The following CLNK variants were observed in gnomAD, a reference collection of about 807,000 sequenced individuals.
CLNK encodes cytokine dependent hematopoietic cell linker.
Under a neutral mutation model 68.6 loss-of-function variants are expected in CLNK, and 74 were observed. The observed-to-expected ratio is 1.08, with a 90% CI of 0.89 to 1.31. The LOEUF is 1.31. Ranked by LOEUF, CLNK falls within the 50% of genes most tolerant of loss-of-function variation. The probability of loss-of-function intolerance (pLI) is 0.00; values close to 1 mark genes in which losing one functional copy is unlikely to be tolerated. For missense variants in CLNK, 553 were observed against 515.3 expected (o/e 1.07, Z -0.71); for synonymous variants, 198 against 172.2 (o/e 1.15, Z -1.17).
rs187661406 is a variant in CLNK, at chr4:10,580,531, A to T, written c.112+4396T>A. On this transcript the variant is annotated intron_variant, in intron 4 of 18. Coordinates refer to ENST00000226951, the MANE Select transcript of CLNK (RefSeq NM_052964.4). ...GCCCCTGAAGACCTTCTAGTAGGAC[A>T]AGATGTGGAGGCGGAAGGCAGTGAT... Among the ~76,000 whole-genome samples, 3 of 152,294 alleles carry T rather than the reference A, an allele frequency of 2.0e-5. No individual in the cohort carries two copies. In the East Asian group the frequency reaches 5.8e-4, roughly 29 times the overall value.
chr4:10,609,770 G>A (rs1029983508), intron 2 of CLNK, among the ~76,000 whole-genome samples: 1 of 152,204 alleles, frequency 6.6e-6, no homozygotes, highest in African/African-American at 2.4e-5. Flanking sequence ...TGCCAGAGTT[G>A]TAGTCTCAAA....
intron 16 of CLNK, among the ~76,000 whole-genome samples, chr4:10,508,879 C>A (rs971506754): frequency 6.6e-6 from 1 of 152,050 alleles, no homozygotes; most frequent in Non-Finnish European, 1.5e-5. Context: ...GAGGCCAAGG[C>A]GGGCGGATCA....
At chr4:10,669,031 G>A (rs751661782) in intron 1 of CLNK, among the ~76,000 whole-genome samples, 1 of 152,104 alleles carries the variant, frequency 6.6e-6, no homozygotes, top group Non-Finnish European at 1.5e-5. Context: ...CCCGCAATAA[G>A]AGCTGAGGTC....
chr4:10,538,382 G>T (rs13117441), intron 11 of CLNK, among the ~76,000 whole-genome samples: 90,203 of 152,186 alleles, frequency 0.59, 28,155 homozygotes, highest in Non-Finnish European at 0.72. Context: ...GCCTGCCTCG[G>T]TCTCCCAAAG....
intron 2 of CLNK, among the ~76,000 whole-genome samples, chr4:10,645,123 A>G (rs1347269074): frequency 6.6e-6 from 1 of 152,150 alleles, no homozygotes; most frequent in East Asian, 1.9e-4. Flanking sequence ...TTATTCCAAA[A>G]AGCCTTCCCT....
chr4:10,591,800 A>G (rs1046898416), intron 3 of CLNK, among the ~76,000 whole-genome samples: 11 of 152,262 alleles, frequency 7.2e-5, no homozygotes, highest in African/African-American at 2.2e-4. Context: ...CTGAGGTGGA[A>G]TCAGGCCAAG....
At chr4:10,514,652 A>G (rs895961108) in intron 15 of CLNK, among the ~76,000 whole-genome samples, 1 of 151,230 alleles carries the variant, frequency 6.6e-6, no homozygotes, top group Non-Finnish European at 1.5e-5. Context: ...AAAACCCTAG[A>G]AGAAAACCTA....
upstream of CLNK, among the ~76,000 whole-genome samples, chr4:10,688,627 T>C (rs1019771740): frequency 1.3e-5 from 2 of 152,168 alleles, no homozygotes; most frequent in Admixed American, 1.3e-4. Context: ...CTTTCTCCCC[T>C]TTAAAAAGAG....
At chr4:10,706,345 T>A in the CLNK span, among the ~76,000 whole-genome samples, 2 of 152,134 alleles carry the variant, frequency 1.3e-5, no homozygotes, top group Admixed American at 6.5e-5. Context: ...TTGGGGGAAA[T>A]TTTGAGATAG....
chr4:10,513,643 C>A, intron 15 of CLNK, 46 bp from the exon 16 acceptor site: 3 of 1,543,666 alleles, frequency 1.9e-6, no homozygotes, highest in Non-Finnish European at 2.6e-6. Context: ...GTGACTGGTG[C>A]AGTCTGTCCC....
chr4:10,700,515 C>G, the CLNK span, among the ~76,000 whole-genome samples: 6 of 152,194 alleles, frequency 3.9e-5, no homozygotes, highest in Non-Finnish European at 2.9e-5. Context: ...ATTCAAATCT[C>G]AGAACCCAAC....
intron 8 of CLNK, among the ~76,000 whole-genome samples, chr4:10,557,151 G>A (rs1327001665): frequency 6.6e-6 from 1 of 151,786 alleles, no homozygotes; most frequent in Admixed American, 6.6e-5. Flanking sequence ...CTTACTTAAG[G>A]TCACACAGCC....
intron 16 of CLNK, among the ~76,000 whole-genome samples, chr4:10,512,092 A>G (rs1000786328): frequency 2.0e-5 from 3 of 152,208 alleles, no homozygotes; most frequent in Non-Finnish European, 2.9e-5. Context: ...TCTCATGCCT[A>G]TGAGGAATCT....
Position 10,682,811 on chromosome 4 carries a change from A to G in CLNK, c.-43+1857T>C, listed in dbSNP as rs77369573. Among the ~76,000 whole-genome samples, 215 of 152,346 alleles carry G rather than the reference A, an allele frequency of 1.4e-3. 7 individuals are homozygous for G. The East Asian group carries it at 0.037, about 26-fold the overall frequency. ...ATTAAGCTGTTAAGATCATTCAAGA[A>G]GAAAATATGTATTCAAAGGCCTACA... On this transcript the variant is annotated intron_variant, in intron 1 of 18. Coordinates refer to ENST00000226951, the MANE Select transcript of CLNK (RefSeq NM_052964.4).
chr4:10,495,329 G>T (rs760065774), intron 18 of CLNK, among the ~76,000 whole-genome samples: 2 of 152,188 alleles, frequency 1.3e-5, no homozygotes, highest in African/African-American at 2.4e-5. Flanking sequence ...AGCTCCGCAG[G>T]TTGTTTAAGG....
At chr4:10,657,851 A>C (rs4331770) in intron 2 of CLNK, among the ~76,000 whole-genome samples, 55,242 of 152,126 alleles carry the variant, frequency 0.36, 10,256 homozygotes, top group Admixed American at 0.45. Flanking sequence ...GAAAAATCAA[A>C]TTCCACCATC....
chr4:10,542,394 A>T (rs1719066863), intron 8 of CLNK, 114 bp from the exon 9 acceptor site: 1 of 730,744 alleles, frequency 1.4e-6, no homozygotes, highest in Non-Finnish European at 2.3e-6. Flanking sequence ...TGATAACGTC[A>T]GTTAATATTT....
chr4:10,728,366 GCAACATTTTATTCTAA>G, the CLNK span, among the ~76,000 whole-genome samples: 5 of 148,276 alleles, frequency 3.4e-5, no homozygotes, highest in Admixed American at 6.9e-5. Context: ...CAGGAACAAA[GCAACATTTTATTCTAA>G]AGAGTGTGTG....
intron 2 of CLNK, among the ~76,000 whole-genome samples, chr4:10,616,660 G>A (rs1275660287): frequency 6.6e-6 from 1 of 151,934 alleles, no homozygotes; most frequent in Admixed American, 6.6e-5. Context: ...TCTATGAGAA[G>A]GAACTGACTA....
Sources: allele counts gnomAD v4.1 joint callset (sites outside exome capture counted in the v4.1 genomes callset), GRCh38; gene constraint gnomAD v4.1.1; transcripts MANE v1.5; gene names NCBI Gene and HGNC (gene_info 2026-07-23, HGNC 2026-07-21).